Variants in BRIP1 observed in about 807,000 individuals in gnomAD.
BRIP1 encodes the protein Fanconi anemia group J protein.
BRIP1 carries 88 observed loss-of-function variants against 119.7 expected under a neutral mutation model. The observed-to-expected ratio is 0.74, with a 90% CI of 0.62 to 0.88. The LOEUF (loss-of-function observed/expected upper bound fraction) is 0.88. Among genes scored for constraint, BRIP1 ranks in the 40% least tolerant of loss-of-function variants. BRIP1 has a pLI of 0.00. For synonymous variants in BRIP1, 443 were observed against 496.5 expected (o/e 0.89, Z 1.43); for missense variants, 1,259 against 1,455.4 (o/e 0.87, Z 2.20).
At position 61,754,110 on chromosome 17, in the gene BRIP1, C is replaced by T. The variant is rs1392499448; in HGVS notation, c.2098-9519G>A. On this transcript the variant is annotated intron_variant, in intron 14 of 19. Transcript: ENST00000259008. The surrounding 1 kb of genome is among the most constrained non-coding windows in gnomAD (Gnocchi z 4.1). Reference sequence around the variant, plus strand: ...GCCTATGCTCTCTACAGTCCATTTTCCATACAGCAGCCAACATAATCCTTT... The same window carrying T: ...GCCTATGCTCTCTACAGTCCATTTTTCATACAGCAGCCAACATAATCCTTT... Among the ~76,000 whole-genome samples, 1 of 152,212 alleles carries T rather than the reference C, an allele frequency of 6.6e-6. No individual in the cohort carries two copies. Among genetic ancestry groups the T allele is most frequent in the Non-Finnish European group, 1.5e-5 (1 of 68,038 alleles).
chr17:61,847,227 A>G lies in BRIP1; in HGVS notation c.508-7T>C, dbSNP rs2145745435. 6.2e-7 allele frequency: 1 copy of G among 1,613,722 alleles called. No individual in the cohort carries two copies. The highest frequency in any genetic ancestry group is 8.5e-7 in the Non-Finnish European group (1 of 1,179,750). On this transcript the variant is annotated splice_region_variant and splice_polypyrimidine_tract_variant and intron_variant, in intron 5 of 19. Coordinates refer to ENST00000259008, the MANE Select transcript of BRIP1 (RefSeq NM_032043.3). ...AGCAATGACGTTTTCTAATCTGTAA[A>G]CACAGAACCAAAATGAAGTTTAAGG...
chr17:61,786,935 A>AAT (rs1377722090), intron 10 of BRIP1, among the ~76,000 whole-genome samples: 1 of 6,882 alleles, frequency 1.5e-4, no homozygotes, highest in East Asian at 6.6e-3. Flanking sequence ...ATTTATATAT[A>AAT]ATATATTTAT....
rs1332110165 is a variant in BRIP1 at position 61,798,051 on chromosome 17, C to CTATAGATA, written c.1340+1041_1340+1048dup. 6.6e-6 allele frequency among the ~76,000 whole-genome samples: 1 copy of CTATAGATA among 151,920 alleles called. No individual in the cohort carries two copies. The highest frequency in any genetic ancestry group is 1.5e-5 in the Non-Finnish European group (1 of 67,900). ...AACAATTCCACTTCTAAAAAGATTCCTATAGATATATTTGCATACAAATGA... is the reference window on the plus strand; with the variant it reads ...AACAATTCCACTTCTAAAAAGATTCCTATAGATATATAGATATATTTGCATACAAATGA... On this transcript the variant is annotated intron_variant, in intron 9 of 19. Coordinates refer to ENST00000259008, the MANE Select transcript of BRIP1 (RefSeq NM_032043.3). This position sits in a 1 kb window ranked among gnomAD's most constrained non-coding sequence, Gnocchi z 5.5.
chr17:61,729,618 G>A lies in BRIP1; in HGVS notation c.2379+13395C>T, dbSNP rs80132699. On this transcript the variant is annotated intron_variant, in intron 16 of 19. Transcript: ENST00000259008. This position sits in a 1 kb window ranked among gnomAD's most constrained non-coding sequence, Gnocchi z 5.6. ...GGTGCAGGCCAAAAGACTGTTATAA[G>A]AAAAAGCTATCTACTGTATTTAGTG... Among the ~76,000 whole-genome samples the A allele has an allele frequency of 0.019, 2,877 of 152,252 alleles. 46 individuals carry two copies. The highest frequency in any genetic ancestry group is 0.03 in the Non-Finnish European group (2,042 of 68,014).
At chr17:61,688,199 C>T (rs1183763458) in intron 18 of BRIP1, among the ~76,000 whole-genome samples, 1 of 152,092 alleles carries the variant, frequency 6.6e-6, no homozygotes, top group African/African-American at 2.4e-5. Context: ...GAGAGTCAGG[C>T]GTGATGGCTC....
At chr17:61,811,071 C>T (rs2078153229) in intron 6 of BRIP1, among the ~76,000 whole-genome samples, 1 of 152,120 alleles carries the variant, frequency 6.6e-6, no homozygotes, top group South Asian at 2.1e-4. Flanking sequence ...TCTGTTTTTT[C>T]ACTCCATAAT....
Position 61,744,554 on chromosome 17 carries a change from C to T in BRIP1, c.2135G>A (p.Gly712Asp), listed in dbSNP as rs1060501755. Residue 712 changes from glycine to aspartate, a missense_variant, in exon 15 of 20, where the codon GGT (glycine) becomes GAT (aspartate). Coordinates refer to ENST00000259008, the MANE Select transcript of BRIP1 (RefSeq NM_032043.3). The surrounding 1 kb of genome is among the most constrained non-coding windows in gnomAD (Gnocchi z 5.0). ...EKLKERWLSTGLWHNLELVKT... is the reference protein window; with the variant it reads ...EKLKERWLSTDLWHNLELVKT... Reference sequence around the variant, plus strand: ...CACCAACTCCAGATTATGCCATAAACCAGTAGAGAGCCAACGTTCTTTTAA... The same window carrying T: ...CACCAACTCCAGATTATGCCATAAATCAGTAGAGAGCCAACGTTCTTTTAA... 1 of 1,613,720 alleles carries T rather than the reference C, an allele frequency of 6.2e-7. No individual in the cohort carries two copies. The highest frequency in any genetic ancestry group is 1.1e-5 in the South Asian group (1 of 91,074).
In BRIP1 at chr17:61,739,162, A is replaced by AT. The variant is rs964977889; in HGVS notation, c.2379+3850dup. Reference sequence around the variant, plus strand: ...ACTTTAACAAAGCAGCCTTAGTGCAATAATGTAGAGCTAGAGTAAAATGAT... The same window carrying AT: ...ACTTTAACAAAGCAGCCTTAGTGCAATTAATGTAGAGCTAGAGTAAAATGAT... On this transcript the variant is annotated intron_variant, in intron 16 of 19. Coordinates refer to ENST00000259008, the MANE Select transcript of BRIP1 (RefSeq NM_032043.3). This position sits in a 1 kb window ranked among gnomAD's most constrained non-coding sequence, Gnocchi z 6.0. 11 of 181,402 alleles carry AT rather than the reference A, an allele frequency of 6.1e-5. No homozygotes were observed. Among genetic ancestry groups the AT allele is most frequent in the African/African-American group, 2.6e-4 (11 of 42,416 alleles). The allele number at this position is 181,402 out of a possible 1,614,324, so 11.2% of individuals were successfully genotyped here.
At position 61,768,718 on chromosome 17, in the gene BRIP1, A is replaced by G. The variant is rs1215581173; in HGVS notation, c.2097+7683T>C. On this transcript the variant is annotated intron_variant, in intron 14 of 19. Transcript: ENST00000259008. This position sits in a 1 kb window ranked among gnomAD's most constrained non-coding sequence, Gnocchi z 5.0. ...TACTCCCTATATACAACCTGCATAA[A>G]CTTCTCCCCGTTGTGAGATAAAAAT... Among the ~76,000 whole-genome samples, 2 of 152,150 alleles carry G rather than the reference A, an allele frequency of 1.3e-5. No homozygotes were observed. Among genetic ancestry groups the G allele is most frequent in the African/African-American group, 4.8e-5 (2 of 41,426 alleles).
In BRIP1 at chr17:61,800,374, GGACA is replaced by G. The variant is rs1016027911; in HGVS notation, c.1140+875_1140+878del. On this transcript the variant is annotated intron_variant, in intron 8 of 19. Transcript: ENST00000259008. ...TAAAAGATAAGTAGGATTTGGATTT[GGACA>G]GACAAAGAGTGGACAGGGCATTCCA... Among the ~76,000 whole-genome samples the G allele has an allele frequency of 4.6e-5, 7 of 152,104 alleles. No individual in the cohort carries two copies. In the South Asian group the frequency reaches 1.5e-3, roughly 32 times the overall value.
At position 61,683,130 on chromosome 17, in the gene BRIP1, C is replaced by CAAAAAAAAAAAAAAAAAAAAAAAAAAA. The variant is rs111519368; in HGVS notation, c.*165_*166insTTTTTTTTTTTTTTTTTTTTTTTTTTT. On this transcript the variant is annotated 3_prime_UTR_variant, in exon 20 of 20. Coordinates refer to ENST00000259008, the MANE Select transcript of BRIP1 (RefSeq NM_032043.3). This position sits in a 1 kb window ranked among gnomAD's most constrained non-coding sequence, Gnocchi z 4.7. The stretch of plus-strand genomic sequence containing the variant: ...TGGGCAACAGACCAAGACTCTGTCT[C>CAAAAAAAAAAAAAAAAAAAAAAAAAAA]AAAAAAAAAAACCCAAAAACTCAAG... 1.4e-6 allele frequency: 1 copy of CAAAAAAAAAAAAAAAAAAAAAAAAAAA among 715,274 alleles called. No individual in the cohort carries two copies. The highest frequency in any genetic ancestry group is 1.8e-5 in the African/African-American group (1 of 54,418). The allele number at this position is 715,274 out of a possible 1,614,324, so 44.3% of individuals were successfully genotyped here. A position where few individuals can be genotyped will look rare whatever the true frequency, so the allele number is the denominator to read the frequency against.
rs367573191 is a variant in BRIP1, at chr17:61,814,273, T to A, written c.628-5516A>T. On this transcript the variant is annotated intron_variant, in intron 6 of 19. Transcript: ENST00000259008. This position sits in a 1 kb window ranked among gnomAD's most constrained non-coding sequence, Gnocchi z 4.9. ...CTTCATTAACATGTTAAACTTCTAT[T>A]TAAAGATACATATTCCTTAAAGAAG... Among the ~76,000 whole-genome samples the A allele has an allele frequency of 6.6e-6, 1 of 152,070 alleles. No homozygotes were observed. The highest frequency in any genetic ancestry group is 2.1e-4 in the South Asian group (1 of 4,834).
Position 61,862,102 on chromosome 17 carries a change from G to A in BRIP1, c.-30-533C>T. 1 of 159,988 alleles carries A rather than the reference G, an allele frequency of 6.3e-6. No individual in the cohort carries two copies. Among genetic ancestry groups the A allele is most frequent in the South Asian group, 1.8e-4 (1 of 5,684 alleles). 9.9% of individuals were successfully genotyped at this position (159,988 alleles called of 1,614,324 possible). On this transcript the variant is annotated intron_variant, in intron 1 of 19. Transcript: ENST00000259008. The surrounding 1 kb of genome is among the most constrained non-coding windows in gnomAD (Gnocchi z 5.3). ...TGTTGACCAGAAGTCAGGAAGCATA[G>A]GTTCTATACCAGGTTTTGGTATACT... is the stretch of plus-strand genomic sequence containing the variant.
chr17:61,703,032 A>G lies in BRIP1; in HGVS notation c.2493-9520T>C, dbSNP rs1278311905. ...GCCATTCTGACTAGTGCGAGATGTT[A>G]TCTCATTGTGTATGTATGTGTTTTT... is the stretch of plus-strand genomic sequence containing the variant. On this transcript the variant is annotated intron_variant, in intron 17 of 19. Coordinates refer to ENST00000259008, the MANE Select transcript of BRIP1 (RefSeq NM_032043.3). The surrounding 1 kb of genome is among the most constrained non-coding windows in gnomAD (Gnocchi z 5.0). 8.2e-6 allele frequency among the ~76,000 whole-genome samples: 1 copy of G among 121,322 alleles called. No individual in the cohort carries two copies. The highest frequency in any genetic ancestry group is 1.7e-5 in the Non-Finnish European group (1 of 58,526). The allele number at this position is 121,322 out of a possible 152,430, so 79.6% of individuals were successfully genotyped here. A position where few individuals can be genotyped will look rare whatever the true frequency, so the allele number is the denominator to read the frequency against.
chr17:61,712,285 C>T (rs1048070455), intron 17 of BRIP1, among the ~76,000 whole-genome samples: 7 of 152,054 alleles, frequency 4.6e-5, no homozygotes, highest in African/African-American at 1.7e-4. Flanking sequence ...GCAATCTTAG[C>T]TCAACGCAAC....
In BRIP1 at chr17:61,683,402, G is replaced by GT; in HGVS notation, c.3643dup (p.Thr1215AsnfsTer6). 2.5e-6 allele frequency: 4 copies of GT among 1,613,370 alleles called. No homozygotes were observed. The South Asian group carries it at 4.4e-5, about 18-fold the overall frequency. Reference sequence around the variant, plus strand: ...CAGTTCCAGTTCATTTATCCAAGTTGTTTTTACATTACCATCAATGTCATC... The same window carrying GT: ...CAGTTCCAGTTCATTTATCCAAGTTGTTTTTTACATTACCATCAATGTCATC... On this transcript the variant is annotated frameshift_variant, in exon 20 of 20. Coordinates refer to ENST00000259008, the MANE Select transcript of BRIP1 (RefSeq NM_032043.3). LOFTEE classifies it low-confidence loss of function (END_TRUNC). The surrounding 1 kb of genome is among the most constrained non-coding windows in gnomAD (Gnocchi z 4.7).
In BRIP1 at chr17:61,794,920, G is replaced by A. The variant is rs1026888968; in HGVS notation, c.1341-1191C>T. On this transcript the variant is annotated intron_variant, in intron 9 of 19. Transcript: ENST00000259008. This position sits in a 1 kb window ranked among gnomAD's most constrained non-coding sequence, Gnocchi z 4.3. Reference sequence around the variant, plus strand: ...GGAACAGCTAGGAGAAAGGTCCTGAGGTGGTTAGCAAATTTTGCTTGTTTG... The same window carrying A: ...GGAACAGCTAGGAGAAAGGTCCTGAAGTGGTTAGCAAATTTTGCTTGTTTG... Among the ~76,000 whole-genome samples the A allele has an allele frequency of 2.0e-5, 3 of 151,748 alleles. No homozygotes were observed. The highest frequency in any genetic ancestry group is 7.3e-5 in the African/African-American group (3 of 41,338).
At chr17:61,818,198 GA>G (rs1193457620) in intron 6 of BRIP1, among the ~76,000 whole-genome samples, 41 of 149,276 alleles carry the variant, frequency 2.7e-4, no homozygotes, top group South Asian at 1.3e-3. Flanking sequence ...AAAAAGGGGG[GA>G]GGGGGGGGAA....
At position 61,796,351 on chromosome 17, in the gene BRIP1, T is replaced by C. The variant is rs1264346542; in HGVS notation, c.1341-2622A>G. 2.0e-5 allele frequency among the ~76,000 whole-genome samples: 3 copies of C among 152,112 alleles called. No individual in the cohort carries two copies. Among genetic ancestry groups the C allele is most frequent in the African/African-American group, 7.2e-5 (3 of 41,442 alleles). Reference sequence around the variant, plus strand: ...CCCCAGACCGATGTCCTGGAGAGTTTTTCCAATGTTTTCTGGTAGTAGTTT... The same window carrying C: ...CCCCAGACCGATGTCCTGGAGAGTTCTTCCAATGTTTTCTGGTAGTAGTTT... On this transcript the variant is annotated intron_variant, in intron 9 of 19. Coordinates refer to ENST00000259008, the MANE Select transcript of BRIP1 (RefSeq NM_032043.3). This position sits in a 1 kb window ranked among gnomAD's most constrained non-coding sequence, Gnocchi z 4.8.
Sources: allele counts gnomAD v4.1 joint callset (sites outside exome capture counted in the v4.1 genomes callset), GRCh38; gene constraint gnomAD v4.1.1; non-coding constraint Gnocchi (gnomAD v3.1); transcripts MANE v1.5; gene names NCBI Gene and HGNC (gene_info 2026-07-23, HGNC 2026-07-21).